The following ZPLD1 variants were observed in gnomAD, a reference collection of about 807,000 sequenced individuals.
ZPLD1 encodes zona pellucida like domain containing 1.
Under a neutral mutation model 47.2 loss-of-function variants are expected in ZPLD1, and 34 were observed. The observed-to-expected ratio is 0.72, with a 90% CI of 0.55 to 0.96. The LOEUF (loss-of-function observed/expected upper bound fraction) is 0.96. Ranked by LOEUF, ZPLD1 falls within the 40% of genes least tolerant of loss-of-function variation. The pLI is 0.00. For synonymous variants in ZPLD1, 176 were observed against 186.2 expected (o/e 0.95, Z 0.45); for missense variants, 512 against 505.8 (o/e 1.01, Z -0.12).
chr3:102,451,686 C>T (rs9863269), intron 3 of ZPLD1, among the ~76,000 whole-genome samples: 9,022 of 152,118 alleles, frequency 0.059, 907 homozygotes, highest in African/African-American at 0.21. Context: ...TGGGAAGAAT[C>T]CTTTCTTGTC....
At chr3:102,447,097 C>T (rs979533547) in intron 3 of ZPLD1, among the ~76,000 whole-genome samples, 1 of 151,986 alleles carries the variant, frequency 6.6e-6, no homozygotes, top group African/African-American at 2.4e-5. Flanking sequence ...GACAGAGTCT[C>T]GCTCTGTCGC....
At chr3:102,435,184 T>C in intron 1 of ZPLD1, 30 bp downstream of exon 1, 1 of 1,612,740 alleles carries the variant, frequency 6.2e-7, no homozygotes, top group Non-Finnish European at 8.5e-7. Flanking sequence ...ATTTGCAAGA[T>C]AATAGTTCAT....
At chr3:102,436,576 AG>A (rs1439425008) in intron 1 of ZPLD1, among the ~76,000 whole-genome samples, 1 of 152,194 alleles carries the variant, frequency 6.6e-6, no homozygotes, top group East Asian at 1.9e-4. Context: ...AGAAAGACTT[AG>A]GGTTGAATTC....
intron 10 of ZPLD1, among the ~76,000 whole-genome samples, chr3:102,472,114 C>T (rs1407750390): frequency 1.3e-5 from 2 of 152,068 alleles, no homozygotes; most frequent in South Asian, 4.2e-4. Flanking sequence ...TTTGTGTAGA[C>T]CTAACATTAT....
At chr3:102,467,176 G>T (rs1707607833) in intron 8 of ZPLD1, among the ~76,000 whole-genome samples, 1 of 152,020 alleles carries the variant, frequency 6.6e-6, no homozygotes, top group African/African-American at 2.4e-5. Context: ...AATTTATAAC[G>T]ATATCAAAAA....
chr3:102,473,672 T>C (rs1169695956), intron 10 of ZPLD1, among the ~76,000 whole-genome samples: 1 of 152,196 alleles, frequency 6.6e-6, no homozygotes. Flanking sequence ...CATATACATA[T>C]AAAGATGTTT....
intron 7 of ZPLD1, among the ~76,000 whole-genome samples, chr3:102,404,195 G>T (rs757513691): frequency 3.5e-4 from 53 of 152,018 alleles, no homozygotes; most frequent in Non-Finnish European, 5.9e-4. Flanking sequence ...CCACATTTCA[G>T]AGCCGAGAAT....
chr3:102,451,521 T>C (rs1341697087), intron 3 of ZPLD1, among the ~76,000 whole-genome samples: 1 of 152,222 alleles, frequency 6.6e-6, no homozygotes, highest in Non-Finnish European at 1.5e-5. Flanking sequence ...CTCTTAGTTT[T>C]CTAGGGCTGC....
In ZPLD1 at chr3:102,452,907, T is replaced by C; in HGVS notation, c.107-12T>C. 2 of 1,610,972 alleles carry C rather than the reference T, an allele frequency of 1.2e-6. No individual in the cohort carries two copies. Among genetic ancestry groups the C allele is most frequent in the Non-Finnish European group, 1.7e-6 (2 of 1,177,718 alleles). On this transcript the variant is annotated splice_polypyrimidine_tract_variant and intron_variant, in intron 3 of 11. Transcript: ENST00000466937. ...CTGACTTATGTTTGTTTTTTATATA[T>C]TTTTATTTCAGCTGAAAGAGACATC...
intron 4 of ZPLD1, among the ~76,000 whole-genome samples, chr3:102,455,729 A>T (rs906351385): frequency 3.3e-5 from 5 of 152,096 alleles, no homozygotes; most frequent in Non-Finnish European, 5.9e-5. Context: ...GCATATGGGG[A>T]GTCAGGGGAA....
At chr3:102,407,424 T>C (rs1294011976) in intron 7 of ZPLD1, among the ~76,000 whole-genome samples, 1 of 99,736 alleles carries the variant, frequency 1.0e-5, no homozygotes, top group African/African-American at 4.6e-5. Context: ...TATATATATA[T>C]ATATATATAT....
chr3:102,447,421 A>G (rs1320961973), intron 3 of ZPLD1, among the ~76,000 whole-genome samples: 3 of 152,086 alleles, frequency 2.0e-5, no homozygotes, highest in African/African-American at 7.2e-5. Context: ...TTTCATACAG[A>G]TGTTTACTTT....
intron 4 of ZPLD1, among the ~76,000 whole-genome samples, chr3:102,455,254 T>C (rs1707395359): frequency 2.0e-5 from 3 of 152,220 alleles, no homozygotes; most frequent in Non-Finnish European, 4.4e-5. Flanking sequence ...CTCTCTTGTA[T>C]TTGACAAGGT....
At chr3:102,386,529 T>C (rs1443441045) in intron 6 of ZPLD1, among the ~76,000 whole-genome samples, 3 of 152,178 alleles carry the variant, frequency 2.0e-5, no homozygotes, top group Non-Finnish European at 4.4e-5. Context: ...TCTTAACCAG[T>C]AATTTCCAAA....
At chr3:102,392,663 A>G (rs1360209722) in intron 7 of ZPLD1, among the ~76,000 whole-genome samples, 2 of 151,872 alleles carry the variant, frequency 1.3e-5, no homozygotes, top group Non-Finnish European at 2.9e-5. Flanking sequence ...CCATCAATCT[A>G]TGAATGGTTT....
At chr3:102,403,157 C>T (rs185367526) in intron 7 of ZPLD1, among the ~76,000 whole-genome samples, 60 of 151,818 alleles carry the variant, frequency 4.0e-4, no homozygotes, top group Admixed American at 6.6e-4. Flanking sequence ...ATTCTGTAAC[C>T]CTGCCTATAC....
intron 9 of ZPLD1, among the ~76,000 whole-genome samples, chr3:102,469,730 G>C (rs2107354347): frequency 6.6e-6 from 1 of 152,250 alleles, no homozygotes; most frequent in East Asian, 1.9e-4. Flanking sequence ...GGTAGATTGT[G>C]GCCAGATGGT....
At chr3:102,414,929 T>C (rs564853779) in intron 7 of ZPLD1, among the ~76,000 whole-genome samples, 21 of 152,054 alleles carry the variant, frequency 1.4e-4, no homozygotes, top group African/African-American at 5.1e-4. Context: ...TTTAGCCTCA[T>C]AGCTGCTTGC....
rs1707796900 is a variant in ZPLD1, at chr3:102,478,770, T to C, written c.*1152T>C. 3 of 151,940 alleles carry C rather than the reference T, an allele frequency of 2.0e-5. No homozygotes were observed. The highest frequency in any genetic ancestry group is 2.0e-4 in the Admixed American group (3 of 15,248). 9.4% of individuals were successfully genotyped at this position (151,940 alleles called of 1,614,324 possible). The stretch of plus-strand genomic sequence containing the variant: ...AAAAGCAAGCTTTAAGCAGCCCATG[T>C]TCTTACAAAAAAAATCAACATTCTC... On this transcript the variant is annotated 3_prime_UTR_variant, in exon 12 of 12. Coordinates refer to ENST00000466937, the MANE Select transcript of ZPLD1 (RefSeq NM_001329788.2).
Sources: gnomAD v4.1 joint callset for allele counts (sites outside exome capture counted in the v4.1 genomes callset) on GRCh38, gnomAD v4.1.1 for gene constraint, MANE v1.5 for transcripts, NCBI Gene and HGNC (gene_info 2026-07-23, HGNC 2026-07-21) for gene names.